The following SPMIP7 variants were observed in gnomAD, a reference collection of about 807,000 sequenced individuals.
The protein encoded by SPMIP7 is sperm microtubule inner protein 7.
the SPMIP7 span, among the ~76,000 whole-genome samples, chr7:50,152,831 C>G: frequency 6.6e-6 from 1 of 152,002 alleles, no homozygotes; most frequent in South Asian, 2.1e-4. Context: ...GAATTACAGC[C>G]GTGCACTATC....
the SPMIP7 span, chr7:50,096,304 A>G: frequency 8.4e-6 from 13 of 1,551,872 alleles, no homozygotes; most frequent in Non-Finnish European, 1.1e-5. Flanking sequence ...ATCCCCCTTC[A>G]GTTTTGCCAG....
the SPMIP7 span, chr7:50,096,567 A>G: frequency 1.3e-6 from 2 of 1,552,022 alleles, no homozygotes; most frequent in Non-Finnish European, 1.7e-6. Flanking sequence ...ATTCTATCAG[A>G]AGAACTGCAA....
chr7:50,101,157 T>C, the SPMIP7 span, among the ~76,000 whole-genome samples: 126,000 of 151,994 alleles, frequency 0.83, 52,267 homozygotes, highest in East Asian at 0.88. Flanking sequence ...CATGTTGACA[T>C]TGGGCCTGGA....
the SPMIP7 span, among the ~76,000 whole-genome samples, chr7:50,098,618 T>C: frequency 6.6e-6 from 1 of 152,210 alleles, no homozygotes. Context: ...AATTGGTATA[T>C]TTGATTGCTG....
At chr7:50,156,873 C>G in the SPMIP7 span, among the ~76,000 whole-genome samples, 1 of 152,050 alleles carries the variant, frequency 6.6e-6, no homozygotes, top group East Asian at 1.9e-4. Context: ...CTGTTCTCCC[C>G]TCTCGTTCCT....
At chr7:50,131,705 AGG>A in the SPMIP7 span, among the ~76,000 whole-genome samples, 192 of 152,300 alleles carry the variant, frequency 1.3e-3, 2 homozygotes, top group South Asian at 2.7e-3. Flanking sequence ...GGATGTGTTC[AGG>A]GAAGAGTAGT....
At chr7:50,158,106 C>T in the SPMIP7 span, among the ~76,000 whole-genome samples, 50 of 152,232 alleles carry the variant, frequency 3.3e-4, no homozygotes, top group African/African-American at 1.1e-3. Flanking sequence ...AGGCCCCTCC[C>T]GCCCATGTCT....
the SPMIP7 span, among the ~76,000 whole-genome samples, chr7:50,145,614 GTGTGTATATATATATATATA>G: frequency 2.6e-3 from 103 of 39,062 alleles, 10 homozygotes; most frequent in Admixed American, 0.011. Flanking sequence ...GTGTATATGT[GTGTGTATATATATATATATA>G]TATATATATA....
the SPMIP7 span, among the ~76,000 whole-genome samples, chr7:50,145,608 ATATGTGTGTG>A: frequency 3.3e-5 from 1 of 30,034 alleles, no homozygotes; most frequent in Non-Finnish European, 6.7e-5. Context: ...GTGTGTGTGT[ATATGTGTGTG>A]TATATATATA....
the SPMIP7 span, among the ~76,000 whole-genome samples, chr7:50,097,239 A>G: frequency 1.3e-5 from 2 of 152,232 alleles, no homozygotes; most frequent in African/African-American, 4.8e-5. Flanking sequence ...CTCCAAAGGA[A>G]AGCCACAGGT....
chr7:50,133,985 C>T, the SPMIP7 span: 1 of 796,946 alleles, frequency 1.3e-6, no homozygotes, highest in Non-Finnish European at 1.9e-6. Flanking sequence ...ATATGGTATA[C>T]ACACCAAGGG....
At chr7:50,127,961 G>A in the SPMIP7 span, among the ~76,000 whole-genome samples, 1 of 151,890 alleles carries the variant, frequency 6.6e-6, no homozygotes, top group South Asian at 2.1e-4. Context: ...TTCCACTACT[G>A]AGTATATATC....
chr7:50,156,877 C>T, the SPMIP7 span, among the ~76,000 whole-genome samples: 21 of 152,168 alleles, frequency 1.4e-4, no homozygotes, highest in South Asian at 4.1e-3. Context: ...TCTCCCCTCT[C>T]GTTCCTTTCA....
the SPMIP7 span, among the ~76,000 whole-genome samples, chr7:50,111,613 T>C: frequency 1.3e-5 from 2 of 152,196 alleles, no homozygotes; most frequent in South Asian, 2.1e-4. Flanking sequence ...CGAGCATACT[T>C]ATCTATGTTT....
At chr7:50,104,023 C>T in the SPMIP7 span, among the ~76,000 whole-genome samples, 1 of 152,142 alleles carries the variant, frequency 6.6e-6, no homozygotes, top group African/African-American at 2.4e-5. Flanking sequence ...GTGTCATCAC[C>T]ATCCCCAACA....
chr7:50,103,053 T>TATAC, the SPMIP7 span, among the ~76,000 whole-genome samples: 1 of 5,034 alleles, frequency 2.0e-4, no homozygotes, highest in Non-Finnish European at 5.8e-4. Context: ...TCATATATTT[T>TATAC]ATATATATAT....
the SPMIP7 span, among the ~76,000 whole-genome samples, chr7:50,138,599 A>G: frequency 6.6e-6 from 1 of 152,214 alleles, no homozygotes; most frequent in South Asian, 2.1e-4. Flanking sequence ...ACCTAATCCA[A>G]ATTAAATTTA....
the SPMIP7 span, among the ~76,000 whole-genome samples, chr7:50,098,605 T>C: frequency 1.3e-5 from 2 of 152,180 alleles, no homozygotes; most frequent in Admixed American, 6.5e-5. Flanking sequence ...CCAAGAATCA[T>C]GGAATTGGTA....
At chr7:50,122,097 A>G in the SPMIP7 span, among the ~76,000 whole-genome samples, 1 of 152,234 alleles carries the variant, frequency 6.6e-6, no homozygotes, top group Non-Finnish European at 1.5e-5. Flanking sequence ...AGTGTACATT[A>G]AAAGAAATCC....
Sources: gnomAD v4.1 joint callset for allele counts (sites outside exome capture counted in the v4.1 genomes callset) on GRCh38, gnomAD v4.1.1 for gene constraint, MANE v1.5 for transcripts, NCBI Gene and HGNC (gene_info 2026-07-23, HGNC 2026-07-21) for gene names.